PEAK1: variants seen among roughly 807,000 people sequenced by gnomAD.
PEAK1 encodes the protein inactive tyrosine-protein kinase PEAK1.
Under a neutral mutation model 124.7 loss-of-function variants are expected in PEAK1, and 54 were observed. The observed-to-expected ratio is 0.43, with a 90% confidence interval of 0.35 to 0.54. The LOEUF is 0.54. Among genes scored for constraint, PEAK1 ranks in the 20% least tolerant of loss-of-function variants. The pLI, the probability that PEAK1 is intolerant of heterozygous loss-of-function variation, is 0.01. For missense variants in PEAK1, 2,046 were observed against 2,134.5 expected, an observed-to-expected ratio of 0.96 and a Z score of 0.82; for synonymous variants, 719 against 760.0, an observed-to-expected ratio of 0.95 and a Z score of 0.89.
At position 77,180,597 on chromosome 15, in the gene PEAK1, C is replaced by T. The variant is rs201728373; in HGVS notation, c.1330G>A (p.Ala444Thr). 1.9e-6 allele frequency: 3 copies of T among 1,614,134 alleles called. No homozygotes were observed. The highest frequency in any genetic ancestry group is 1.7e-5 in the Admixed American group (1 of 60,018). The change falls in exon 7 of 10, where the codon GCT (alanine) becomes ACT (threonine). Residue 444 changes from alanine to threonine, a missense_variant. Ala to Thr is a moderately conservative substitution (Grantham distance 58). Coordinates refer to ENST00000682557, the MANE Select transcript of PEAK1 (RefSeq NM_001385026.1). ...AGGTTTATGGTTACTGCTTGCCCAG[C>T]AACATCTGTAGAGGCTTTACTTTCT... ...KEESKASTDV[A>T]GQAVTINLVP...
intron 5 of PEAK1, among the ~76,000 whole-genome samples, chr15:77,262,514 G>A (rs1460967008): frequency 2.6e-5 from 4 of 151,492 alleles, no homozygotes; most frequent in Non-Finnish European, 5.9e-5. Context: ...GACAAAGAGG[G>A]CCATTACATA....
downstream of PEAK1, chr15:77,107,630 C>T (rs1469993290): frequency 6.6e-6 from 1 of 152,268 alleles, no homozygotes; most frequent in Admixed American, 6.5e-5. Context: ...AGGAGGCCTC[C>T]TCTGCGCTGC....
chr15:77,312,295 T>C (rs2064519538), intron 2 of PEAK1, among the ~76,000 whole-genome samples: 1 of 152,234 alleles, frequency 6.6e-6, no homozygotes, highest in Admixed American at 6.5e-5. Context: ...CCATTTTTAA[T>C]TATAGTTACT....
intron 6 of PEAK1, among the ~76,000 whole-genome samples, chr15:77,189,548 G>C (rs1320180842): frequency 6.6e-6 from 1 of 152,198 alleles, no homozygotes; most frequent in Non-Finnish European, 1.5e-5. Flanking sequence ...GCTCTAAGAT[G>C]ATCAGTCCAG....
chr15:77,254,154 T>C (rs1022710597), intron 5 of PEAK1, among the ~76,000 whole-genome samples: 5 of 152,110 alleles, frequency 3.3e-5, no homozygotes, highest in African/African-American at 1.2e-4. Flanking sequence ...CTATTATATG[T>C]CTAGATTTGA....
intron 2 of PEAK1, chr15:77,352,968 T>C (rs1453355389): frequency 1.6e-5 from 16 of 985,326 alleles, no homozygotes; most frequent in Non-Finnish European, 1.8e-5. Context: ...CAGAGATGCA[T>C]TACCCTCACA....
At chr15:77,105,317 G>GT (rs2050736823), downstream of PEAK1, 1 of 145,064 alleles carries the variant, frequency 6.9e-6, no homozygotes, top group Non-Finnish European at 1.5e-5. Context: ...GCCATTAGTT[G>GT]GTGTGTGTGT....
chr15:77,378,027 T>C (rs911898690), intron 1 of PEAK1, among the ~76,000 whole-genome samples: 2 of 152,118 alleles, frequency 1.3e-5, no homozygotes, highest in African/African-American at 4.8e-5. Flanking sequence ...ACTGGGCAAG[T>C]TGAGACCAAG....
chr15:77,268,212 C>T lies in PEAK1; in HGVS notation c.-275+15671G>A, dbSNP rs552332336. ...TGAACAAGCCAGACACAGTGGCTCA[C>T]GCCTATAAGCCCAGCACTTTGGGAG... On this transcript the variant is annotated intron_variant, in intron 5 of 9. Coordinates refer to ENST00000682557, the MANE Select transcript of PEAK1 (RefSeq NM_001385026.1). Among the ~76,000 whole-genome samples the T allele has an allele frequency of 8.5e-5, 13 of 152,252 alleles. No homozygotes were observed. The East Asian group carries it at 2.3e-3, about 27-fold the overall frequency.
At chr15:77,317,077 T>C (rs1299822372) in intron 2 of PEAK1, among the ~76,000 whole-genome samples, 1 of 152,132 alleles carries the variant, frequency 6.6e-6, no homozygotes. Flanking sequence ...CAAGACTCTG[T>C]CTCAAATAAA....
At chr15:77,273,250 T>C (rs2062130512) in intron 5 of PEAK1, among the ~76,000 whole-genome samples, 1 of 152,156 alleles carries the variant, frequency 6.6e-6, no homozygotes, top group South Asian at 2.1e-4. Context: ...AACATAGTAC[T>C]GGAAGTCCTA....
At chr15:77,161,602 A>G (rs1024162617) in intron 7 of PEAK1, among the ~76,000 whole-genome samples, 6 of 152,212 alleles carry the variant, frequency 3.9e-5, no homozygotes, top group African/African-American at 9.7e-5. Context: ...CTCTAAAAGG[A>G]GTAAGAATTT....
chr15:77,136,673 AT>A (rs1375228398), intron 8 of PEAK1, among the ~76,000 whole-genome samples: 1 of 152,186 alleles, frequency 6.6e-6, no homozygotes, highest in East Asian at 1.9e-4. Flanking sequence ...CTCCAAAAAA[AT>A]AAATAAATAA....
At chr15:77,103,361 G>T (rs975624377), downstream of PEAK1, 1 of 152,224 alleles carries the variant, frequency 6.6e-6, no homozygotes, top group African/African-American at 2.4e-5. Flanking sequence ...TGCCCAGGCT[G>T]GTCTAACTTT....
chr15:77,275,100 G>T (rs941807471), intron 5 of PEAK1, among the ~76,000 whole-genome samples: 1 of 152,164 alleles, frequency 6.6e-6, no homozygotes, highest in Non-Finnish European at 1.5e-5. Context: ...TCACTCATAA[G>T]TGGAAGCTAA....
intron 2 of PEAK1, chr15:77,349,783 A>G (rs886981989): frequency 1.0e-6 from 1 of 985,102 alleles, no homozygotes; most frequent in African/African-American, 1.7e-5. Flanking sequence ...TAATTAGGTT[A>G]CAAATACTGC....
At chr15:77,320,264 A>C (rs1411744285) in intron 2 of PEAK1, among the ~76,000 whole-genome samples, 1 of 152,126 alleles carries the variant, frequency 6.6e-6, no homozygotes, top group African/African-American at 2.4e-5. Flanking sequence ...GAATTCAATA[A>C]TAAAATGTCT....
intron 7 of PEAK1, among the ~76,000 whole-genome samples, chr15:77,160,777 T>C (rs1160695720): frequency 6.6e-6 from 1 of 152,218 alleles, no homozygotes; most frequent in African/African-American, 2.4e-5. Context: ...TAGCTGTTTC[T>C]TGGCTCCTAA....
At chr15:77,352,270 C>A (rs537917347) in intron 2 of PEAK1, 1 of 985,268 alleles carries the variant, frequency 1.0e-6, no homozygotes, top group African/African-American at 1.7e-5. Context: ...GTCCTCCTAG[C>A]CATACCTCTC....
Sources: gnomAD v4.1 joint callset for allele counts (sites outside exome capture counted in the v4.1 genomes callset) on GRCh38, gnomAD v4.1.1 for gene constraint, MANE v1.5 for transcripts, NCBI Gene and HGNC (gene_info 2026-07-23, HGNC 2026-07-21) for gene names.